TMEM74: variants seen among roughly 807,000 people sequenced by gnomAD.
TMEM74 encodes transmembrane protein 74.
TMEM74 carries 13 observed loss-of-function variants against 18.1 expected under a neutral mutation model. That is an observed-to-expected ratio of 0.72 (90% confidence interval 0.47 to 1.14). The LOEUF is 1.14. TMEM74 is among the 50% of genes most tolerant of loss of function. The pLI is 0.00. For missense variants in TMEM74, 372 were observed against 375.9 expected (o/e 0.99, Z 0.09); for synonymous variants, 159 against 146.6 (o/e 1.08, Z -0.61).
At position 108,673,717 on chromosome 8, in the gene TMEM74, G is replaced by A. The variant is rs1049128187; in HGVS notation, n.120-18280C>T. On this transcript the variant is annotated intron_variant and non_coding_transcript_variant, in intron 1 of 3. Coordinates refer to the TMEM74 transcript ENST00000518838. The stretch of plus-strand genomic sequence containing the variant: ...AACCCAATGCCAGAGAAAAGTAGAG[G>A]GGACAAAAAGAAAGTACTGTGGGAA... Among the ~76,000 whole-genome samples, 115 of 152,098 alleles carry A rather than the reference G, an allele frequency of 7.6e-4. 3 individuals carry two copies. Among genetic ancestry groups the A allele is most frequent in the Non-Finnish European group, 2.1e-4 (14 of 68,022 alleles).
intron 1 of TMEM74, among the ~76,000 whole-genome samples, chr8:108,786,597 G>A (rs1814388422): frequency 6.6e-6 from 1 of 152,082 alleles, no homozygotes; most frequent in African/African-American, 2.4e-5. Flanking sequence ...TCCTGTTATC[G>A]GAGTTTCTCT....
At position 108,623,076 on chromosome 8, in the gene TMEM74, C is replaced by T. The variant is rs148680372; in HGVS notation, n.265-14250G>A. 4.9e-4 allele frequency among the ~76,000 whole-genome samples: 75 copies of T among 152,100 alleles called. No homozygotes were observed. The East Asian group carries it at 0.014, about 29-fold the overall frequency. ...CCTTTTACAAATATTCTGCTTTCTACCTTCACAGAGAAAAAAAACTAACCA... is the reference window on the plus strand; with the variant it reads ...CCTTTTACAAATATTCTGCTTTCTATCTTCACAGAGAAAAAAAACTAACCA... On this transcript the variant is annotated intron_variant and non_coding_transcript_variant, in intron 2 of 3. Coordinates refer to the TMEM74 transcript ENST00000518838.
At chr8:108,646,080 AGT>A (rs1491149459) in intron 2 of TMEM74, among the ~76,000 whole-genome samples, 1 of 151,136 alleles carries the variant, frequency 6.6e-6, no homozygotes, top group African/African-American at 2.4e-5. Context: ...TTGTTCACGA[AGT>A]TTTTTTTTTT....
intron 1 of TMEM74, among the ~76,000 whole-genome samples, chr8:108,724,770 TG>T (rs1813617300): frequency 6.6e-6 from 1 of 152,164 alleles, no homozygotes; most frequent in South Asian, 2.1e-4. Context: ...TGGGGTGCAC[TG>T]GGCAGACTCC....
At chr8:108,774,245 A>G (rs577278783), downstream of TMEM74, among the ~76,000 whole-genome samples, 191 of 152,328 alleles carry the variant, frequency 1.3e-3, no homozygotes, top group African/African-American at 4.5e-3. Context: ...GCTGGACTAC[A>G]TTTCCCAGCC....
intron 1 of TMEM74, among the ~76,000 whole-genome samples, chr8:108,761,419 G>GTTT (rs1260378771): frequency 6.6e-6 from 1 of 152,064 alleles, no homozygotes; most frequent in Non-Finnish European, 1.5e-5. Context: ...TATTAATAAT[G>GTTT]ATCTATGAAA....
At chr8:108,644,762 A>G (rs1744806404) in intron 2 of TMEM74, among the ~76,000 whole-genome samples, 1 of 152,208 alleles carries the variant, frequency 6.6e-6, no homozygotes, top group African/African-American at 2.4e-5. Context: ...GCTGTAAATC[A>G]CTAATCATTA....
chr8:108,703,511 AAAG>A (rs1466839201), intron 1 of TMEM74, among the ~76,000 whole-genome samples: 2 of 152,228 alleles, frequency 1.3e-5, no homozygotes, highest in African/African-American at 2.4e-5. Flanking sequence ...CAATAATTGT[AAAG>A]AAGAAGGGTG....
chr8:108,730,977 T>C (rs1813689357), intron 1 of TMEM74, among the ~76,000 whole-genome samples: 1 of 152,194 alleles, frequency 6.6e-6, no homozygotes, highest in South Asian at 2.1e-4. Flanking sequence ...TAAACATGCT[T>C]GGTGTTTTGA....
chr8:108,614,412 G>A (rs1412964697), intron 2 of TMEM74, among the ~76,000 whole-genome samples: 1 of 152,100 alleles, frequency 6.6e-6, no homozygotes, highest in African/African-American at 2.4e-5. Context: ...TCAAGGAAAT[G>A]TTCTAATAGT....
chr8:108,721,842 C>A (rs1055748223), intron 1 of TMEM74, among the ~76,000 whole-genome samples: 1 of 152,176 alleles, frequency 6.6e-6, no homozygotes, highest in East Asian at 1.9e-4. Context: ...AACCATTGAT[C>A]TGCTTTTATT....
chr8:108,669,315 C>A (rs140495852), intron 1 of TMEM74, among the ~76,000 whole-genome samples: 153 of 152,106 alleles, frequency 1.0e-3, no homozygotes, highest in African/African-American at 3.4e-3. Flanking sequence ...CAAGAAGGAG[C>A]GGATATAAGG....
chr8:108,651,004 C>A (rs1166979851), intron 2 of TMEM74, among the ~76,000 whole-genome samples: 4 of 152,144 alleles, frequency 2.6e-5, no homozygotes, highest in Non-Finnish European at 5.9e-5. Context: ...AGCCACCACA[C>A]CTCGCTCACT....
Position 108,650,474 on chromosome 8 carries a change from A to G in TMEM74, n.264+4819T>C, listed in dbSNP as rs78887755. ...CAAAGTATTTGCAATGGCCTATAAA[A>G]CTCCATACCATTGGGTTCCCCATTG... On this transcript the variant is annotated intron_variant and non_coding_transcript_variant, in intron 2 of 3. Transcript: ENST00000518838. Among the ~76,000 whole-genome samples the G allele has an allele frequency of 8.1e-3, 1,235 of 152,138 alleles. 19 individuals are homozygous for G. The highest frequency in any genetic ancestry group is 0.026 in the African/African-American group (1,090 of 41,514).
chr8:108,764,429 G>A (rs1240715678), intron 1 of TMEM74, among the ~76,000 whole-genome samples: 1 of 152,180 alleles, frequency 6.6e-6, no homozygotes, highest in Admixed American at 6.6e-5. Flanking sequence ...TTAAAAAGGT[G>A]AGAATAAAGT....
At chr8:108,695,781 C>G (rs1403883477) in intron 1 of TMEM74, among the ~76,000 whole-genome samples, 2 of 152,166 alleles carry the variant, frequency 1.3e-5, no homozygotes, top group Non-Finnish European at 2.9e-5. Context: ...CATGGGCATA[C>G]TTTTCTTCCC....
chr8:108,675,525 G>A (rs1007688958), intron 1 of TMEM74, among the ~76,000 whole-genome samples: 7 of 152,128 alleles, frequency 4.6e-5, no homozygotes, highest in South Asian at 2.1e-4. Flanking sequence ...AGTACCCAGC[G>A]ACTCACAAAG....
At chr8:108,743,093 C>T (rs1586280929) in intron 1 of TMEM74, among the ~76,000 whole-genome samples, 1 of 152,272 alleles carries the variant, frequency 6.6e-6, no homozygotes, top group East Asian at 1.9e-4. Flanking sequence ...ACATAATGAA[C>T]ATACTTTAAG....
chr8:108,718,351 G>A (rs1813550548), intron 1 of TMEM74, among the ~76,000 whole-genome samples: 1 of 152,130 alleles, frequency 6.6e-6, no homozygotes, highest in African/African-American at 2.4e-5. Context: ...TATTAATATA[G>A]TATATTGATA....
Sources: gnomAD v4.1 joint callset for allele counts (sites outside exome capture counted in the v4.1 genomes callset) on GRCh38, gnomAD v4.1.1 for gene constraint, MANE v1.5 for transcripts, NCBI Gene and HGNC (gene_info 2026-07-23, HGNC 2026-07-21) for gene names.